The following RPL10 variants were observed in gnomAD, a reference collection of about 807,000 sequenced individuals.
RPL10 encodes ribosomal protein L10.
A neutral mutation model predicts 15.7 loss-of-function variants in RPL10; 1 was observed. The observed-to-expected ratio is 0.06, with a 90% CI of 0.02 to 0.30. The LOEUF (loss-of-function observed/expected upper bound fraction) is 0.30, where lower values mean the gene tolerates loss of function less well. Among genes scored for constraint, RPL10 ranks in the 10% least tolerant of loss-of-function variants. The pLI, the probability that RPL10 is intolerant of heterozygous loss-of-function variation, is 1.00. For missense variants in RPL10, 54 were observed against 183.4 expected (o/e 0.29, Z 4.08); for synonymous variants, 59 against 64.0 (o/e 0.92, Z 0.37).
chrX:154,398,195 G>A (rs1557184716), upstream of RPL10: 1 of 449,016 alleles, frequency 2.2e-6, no homozygotes, highest in Non-Finnish European at 4.1e-6. Flanking sequence ...CCGCGGCCCT[G>A]GTACCCGGTC....
chrX:154,399,442 GCGTC>G (rs782471681), intron 3 of RPL10, 41 bp from the exon 4 acceptor site: 13 of 1,207,412 alleles, frequency 1.1e-5, no homozygotes, highest in Non-Finnish European at 1.5e-5. Flanking sequence ...TGCGGACTCC[GCGTC>G]CGTCTGTGAC....
At chrX:154,399,624 C>T (rs1557185355) in intron 4 of RPL10, 30 bp downstream of exon 4, 1 of 1,185,046 alleles carries the variant, frequency 8.4e-7, no homozygotes, top group Non-Finnish European at 1.1e-6. Context: ...TCGTCACCCC[C>T]CAGTCCTTCC....
chrX:154,401,157 C>T lies in RPL10; in HGVS notation c.*303C>T, dbSNP rs782542788. ...AAGTGCTTTTCATGAAGCACAGCTG[C>T]AGCAAAGCCTTGCAATCCCAGGCTG... On this transcript the variant is annotated 3_prime_UTR_variant, in exon 7 of 7. Transcript: ENST00000369817. 2.2e-6 allele frequency: 1 copy of T among 452,116 alleles called. No individual in the cohort carries two copies. The highest frequency in any genetic ancestry group is 5.4e-5 in the East Asian group (1 of 18,683). The allele number at this position is 452,116 out of a possible 1,213,427, so 37.3% of individuals were successfully genotyped here.
In RPL10 at chrX:154,401,481, T is replaced by C. The variant is rs942525162; in HGVS notation, c.*627T>C. On this transcript the variant is annotated 3_prime_UTR_variant, in exon 7 of 7. Coordinates refer to ENST00000369817, the MANE Select transcript of RPL10 (RefSeq NM_006013.5). ...CCTGACCAAAGGTCTAGGCTAACCT[T>C]TGGTCATTTGTAACAAGACCTCGGA... The C allele has an allele frequency of 8.0e-6, 1 of 124,285 alleles. No homozygotes were observed. Among genetic ancestry groups the C allele is most frequent in the Non-Finnish European group, 1.7e-5 (1 of 60,059 alleles). The allele number at this position is 124,285 out of a possible 1,213,427, so 10.2% of individuals were successfully genotyped here. A position where few individuals can be genotyped will look rare whatever the true frequency, so the allele number is the denominator to read the frequency against.
chrX:154,402,332 A>AT, downstream of RPL10: 1 of 164,868 alleles, frequency 6.1e-6, no homozygotes, highest in Non-Finnish European at 1.2e-5. Flanking sequence ...GCCCATTGGC[A>AT]TATCTGCTGC....
chrX:154,400,046 G>A, intron 5 of RPL10, 105 bp downstream of exon 5: 5 of 1,036,912 alleles, frequency 4.8e-6, no homozygotes, highest in Non-Finnish European at 6.7e-6. Flanking sequence ...AGCCACTATG[G>A]CTACTAGAAA....
rs963691123 is a variant in RPL10 at position 154,401,996 on chromosome X, C to T, written c.*1142C>T. The T allele has an allele frequency of 9.0e-6, 1 of 111,639 alleles. No individual in the cohort carries two copies. Among genetic ancestry groups the T allele is most frequent in the Non-Finnish European group, 1.9e-5 (1 of 53,161 alleles). 9.2% of individuals were successfully genotyped at this position (111,639 alleles called of 1,213,427 possible). On this transcript the variant is annotated 3_prime_UTR_variant, in exon 7 of 7. Coordinates refer to ENST00000369817, the MANE Select transcript of RPL10 (RefSeq NM_006013.5). The stretch of plus-strand genomic sequence containing the variant: ...TGTCCTGCAGCCCCTTTCCGGGACA[C>T]CTGGGTTCACACAGCTTTTTAGCTT...
In RPL10 at chrX:154,399,957, G is replaced by A. The variant is rs782662948; in HGVS notation, c.329+16G>A. The A allele has an allele frequency of 8.3e-7, 1 of 1,210,335 alleles. No homozygotes were observed. The highest frequency in any genetic ancestry group is 2.2e-5 in the Admixed American group (1 of 46,035). On this transcript the variant is annotated intron_variant, in intron 5 of 6. Coordinates refer to ENST00000369817, the MANE Select transcript of RPL10 (RefSeq NM_006013.5). ...GGGCTGACAGGTGAGCTTGGTCTGGGCCTTTTAAGGCAGTTGGAGTCTCTA... is the reference window on the plus strand; with the variant it reads ...GGGCTGACAGGTGAGCTTGGTCTGGACCTTTTAAGGCAGTTGGAGTCTCTA...
intron 2 of RPL10, among the ~76,000 whole-genome samples, 193 bp from the exon 3 acceptor site, chrX:154,399,145 C>T (rs926405120): frequency 1.8e-5 from 2 of 112,128 alleles, no homozygotes; most frequent in Non-Finnish European, 3.8e-5. Flanking sequence ...TGTTTCTAGT[C>T]TTGGGTGTTG....
intron 3 of RPL10, 28 bp from the exon 4 acceptor site, chrX:154,399,459 C>A (rs781872567): frequency 2.5e-6 from 3 of 1,207,674 alleles, no homozygotes; most frequent in Admixed American, 2.2e-5. Context: ...TCTGTGACAC[C>A]CCCTGCACAC....
In RPL10 at chrX:154,401,083, G is replaced by A. The variant is rs989244209; in HGVS notation, c.*229G>A. ...CCTTATGTCAGTTGTCTACTCTGGA[G>A]CTTGACTTGGACCTCCCCAGGTCCT... On this transcript the variant is annotated 3_prime_UTR_variant, in exon 7 of 7. Coordinates refer to ENST00000369817, the MANE Select transcript of RPL10 (RefSeq NM_006013.5). The A allele has an allele frequency of 1.0e-6, 1 of 998,454 alleles. No individual in the cohort carries two copies. The highest frequency in any genetic ancestry group is 1.9e-5 in the African/African-American group (1 of 52,068). The allele number at this position is 998,454 out of a possible 1,213,427, so 82.3% of individuals were successfully genotyped here. A position where few individuals can be genotyped will look rare whatever the true frequency, so the allele number is the denominator to read the frequency against.
upstream of RPL10, chrX:154,398,195 G>C (rs1557184716): frequency 1.3e-5 from 6 of 448,450 alleles, no homozygotes; most frequent in Non-Finnish European, 2.4e-5. Flanking sequence ...CCGCGGCCCT[G>C]GTACCCGGTC....
chrX:154,399,636 C>G (rs1216829616), intron 4 of RPL10, 42 bp downstream of exon 4: 2 of 1,174,260 alleles, frequency 1.7e-6, no homozygotes, highest in African/African-American at 3.5e-5. Flanking sequence ...AGTCCTTCCT[C>G]CGTGCTCCCT....
rs782018519 is a variant in RPL10 at position 154,401,789 on chromosome X, C to T, written c.*935C>T. On this transcript the variant is annotated 3_prime_UTR_variant, in exon 7 of 7. Coordinates refer to ENST00000369817, the MANE Select transcript of RPL10 (RefSeq NM_006013.5). The stretch of plus-strand genomic sequence containing the variant: ...TTTTAATTACCTTTATTTTATTTTG[C>T]CAAACATACCTGGGAATACCTTTTA... 1.3e-4 allele frequency: 14 copies of T among 109,788 alleles called. No homozygotes were observed. Among genetic ancestry groups the T allele is most frequent in the Non-Finnish European group, 1.9e-4 (10 of 53,151 alleles). The allele number at this position is 109,788 out of a possible 1,213,427, so 9.0% of individuals were successfully genotyped here.
chrX:154,399,251 C>A, intron 2 of RPL10, 87 bp from the exon 3 acceptor site: 1 of 967,800 alleles, frequency 1.0e-6, no homozygotes, highest in Non-Finnish European at 1.5e-6. Context: ...TTTCCCGTCC[C>A]TCGTTTGGGT....
chrX:154,400,110 A>G (rs1230549531), intron 5 of RPL10, 169 bp downstream of exon 5: 6 of 603,610 alleles, frequency 9.9e-6, no homozygotes, highest in Non-Finnish European at 1.7e-5. Flanking sequence ...TCCTGCAGAT[A>G]CAAACAAAGC....
Position 154,400,942 on chromosome X carries a change from G to T in RPL10, c.*88G>T. 3.3e-6 allele frequency: 4 copies of T among 1,194,475 alleles called. No homozygotes were observed. The highest frequency in any genetic ancestry group is 4.5e-6 in the Non-Finnish European group (4 of 886,649). On this transcript the variant is annotated 3_prime_UTR_variant, in exon 7 of 7. Coordinates refer to ENST00000369817, the MANE Select transcript of RPL10 (RefSeq NM_006013.5). The stretch of plus-strand genomic sequence containing the variant: ...ATGTCTTTGTATCTACATTCTTGAC[G>T]GGGAAGGAACTTCCTCTGGGAACCT...
chrX:154,398,446 C>T lies in RPL10; in HGVS notation c.-23-51C>T, dbSNP rs782658500. On this transcript the variant is annotated intron_variant, in intron 1 of 6. Transcript: ENST00000369817. ...GCGGTGCCGTTGCTGGTTCTCACAC[C>T]TTTTAGGTCTGTTCTCGTCTTCCGT... 6.8e-6 allele frequency: 8 copies of T among 1,172,694 alleles called. No homozygotes were observed. In the African/African-American group the frequency reaches 8.8e-5, roughly 13 times the overall value.
rs2068056590 is a variant in RPL10, at chrX:154,402,214, T to C, written c.*1360T>C. ...TAATGAGCCAAAATGTTTCCCGGTG[T>C]TTGCTGGTTTCAGGGAAGGAGTTTG... On this transcript the variant is annotated 3_prime_UTR_variant, in exon 7 of 7. Coordinates refer to ENST00000369817, the MANE Select transcript of RPL10 (RefSeq NM_006013.5). 1 of 124,020 alleles carries C rather than the reference T, an allele frequency of 8.1e-6. No individual in the cohort carries two copies. The highest frequency in any genetic ancestry group is 8.2e-5 in the Admixed American group (1 of 12,256). The allele number at this position is 124,020 out of a possible 1,213,427, so 10.2% of individuals were successfully genotyped here.
Sources: allele counts gnomAD v4.1 joint callset (sites outside exome capture counted in the v4.1 genomes callset), GRCh38; gene constraint gnomAD v4.1.1; transcripts MANE v1.5; gene names NCBI Gene and HGNC (gene_info 2026-07-23, HGNC 2026-07-21).